The following MICAL2 variants were observed in gnomAD, a reference collection of about 807,000 sequenced individuals.
MICAL2 encodes microtubule associated monooxygenase, calponin and LIM domain containing 2, also known as [F-actin]-monooxygenase MICAL2.
Under a neutral mutation model 127.3 loss-of-function variants are expected in MICAL2, and 77 were observed. The ratio of observed to expected loss-of-function variants is 0.60; its 90% CI spans 0.50 to 0.73. The LOEUF (loss-of-function observed/expected upper bound fraction) is 0.73. MICAL2 is among the 30% of genes least tolerant of loss of function. The pLI is 0.00. For missense variants in MICAL2, 1,351 were observed against 1,434.4 expected (o/e 0.94, Z 0.94); for synonymous variants, 570 against 551.1 (o/e 1.03, Z -0.48).
At chr11:12,135,423 C>A (rs1417371092) in intron 1 of MICAL2, among the ~76,000 whole-genome samples, 1 of 152,036 alleles carries the variant, frequency 6.6e-6, no homozygotes, top group Non-Finnish European at 1.5e-5. Flanking sequence ...TGAACCCAAG[C>A]AGAGGGCTCC....
chr11:12,293,564 A>T (rs1178077591), downstream of MICAL2: 6 of 1,600,164 alleles, frequency 3.7e-6, no homozygotes, highest in Non-Finnish European at 4.3e-6. Flanking sequence ...CATCTAGATG[A>T]CAGCTTCTGA....
chr11:12,215,380 GA>G (rs1856011192), intron 7 of MICAL2, among the ~76,000 whole-genome samples: 1 of 152,214 alleles, frequency 6.6e-6, no homozygotes, highest in Non-Finnish European at 1.5e-5. Context: ...TGTAAATGCT[GA>G]TATGTCGCCA....
In MICAL2 at chr11:12,221,730, C is replaced by A. The variant is rs199909663; in HGVS notation, c.1293C>A (p.Gly431=). Residue 431 remains glycine (G), a synonymous_variant, in exon 10 of 28, where the codon GGC becomes GGA. Transcript: ENST00000683283. The part of the protein sequence containing the change: ...TAWMVKSWNQ[G]TPPLELLAER... ...GGATGGTGAAGAGCTGGAACCAGGG[C>A]ACCCCTCCCCTGGAGCTGCTGGCTG... 42 of 1,613,572 alleles carry A rather than the reference C, an allele frequency of 2.6e-5. No homozygotes were observed. The East Asian group carries it at 9.4e-4, about 36-fold the overall frequency.
intron 14 of MICAL2, 90 bp from the exon 15 acceptor site, chr11:12,226,935 G>A (rs1204062923): frequency 1.3e-5 from 13 of 1,000,968 alleles, no homozygotes; most frequent in African/African-American, 1.7e-5. Context: ...TTACAGGCGT[G>A]AGCCACCACA....
chr11:12,260,582 T>A, intron 26 of MICAL2: 1 of 993,094 alleles, frequency 1.0e-6, no homozygotes, highest in African/African-American at 1.7e-5. Context: ...GATTTAAGAT[T>A]TTACACGCAT....
intron 1 of MICAL2, among the ~76,000 whole-genome samples, chr11:12,114,005 T>C (rs1389117302): frequency 6.6e-6 from 1 of 152,244 alleles, no homozygotes; most frequent in Non-Finnish European, 1.5e-5. Context: ...TCCTTAGCTT[T>C]TATGCGAGCT....
At chr11:12,334,558 G>A (rs1401839042) in intron 32 of MICAL2, among the ~76,000 whole-genome samples, 3 of 150,302 alleles carry the variant, frequency 2.0e-5, no homozygotes, top group African/African-American at 2.5e-5. Context: ...CCATTAACTC[G>A]TCAATTAGCA....
At chr11:12,144,426 G>C (rs1433654434) in intron 2 of MICAL2, among the ~76,000 whole-genome samples, 1 of 152,138 alleles carries the variant, frequency 6.6e-6, no homozygotes, top group African/African-American at 2.4e-5. Flanking sequence ...GTTTGGGGCT[G>C]GTGAGGGACA....
chr11:12,360,108 CTTTTT>C (rs749473057), downstream of MICAL2, among the ~76,000 whole-genome samples: 4 of 143,162 alleles, frequency 2.8e-5, no homozygotes, highest in Middle Eastern at 3.2e-3. Flanking sequence ...TCCTTCCTTC[CTTTTT>C]TTTTTTAAAA....
At chr11:12,337,310 C>A (rs1357614701) in intron 32 of MICAL2, among the ~76,000 whole-genome samples, 2 of 152,150 alleles carry the variant, frequency 1.3e-5, no homozygotes, top group East Asian at 3.8e-4. Context: ...TCCCCTTTGT[C>A]ATTTTTTATT....
At chr11:12,212,539 C>T (rs1016009406) in intron 6 of MICAL2, among the ~76,000 whole-genome samples, 22 of 151,866 alleles carry the variant, frequency 1.4e-4, no homozygotes, top group African/African-American at 5.4e-4. Flanking sequence ...TTCATTTATA[C>T]ATGCATTGTA....
chr11:12,263,028 A>C (rs1863341522), intron 27 of MICAL2: 1 of 156,704 alleles, frequency 6.4e-6, no homozygotes, highest in Non-Finnish European at 1.4e-5. Context: ...GGAGGGATTT[A>C]AAAAACTTAA....
intron 15 of MICAL2, among the ~76,000 whole-genome samples, chr11:12,229,687 G>T (rs1027999775): frequency 1.3e-5 from 2 of 152,244 alleles, no homozygotes; most frequent in African/African-American, 4.8e-5. Flanking sequence ...GCTGGGGATG[G>T]TTAAAAGTCA....
chr11:12,255,961 T>C lies in MICAL2; in HGVS notation c.2955+211T>C, dbSNP rs77212417. On this transcript the variant is annotated intron_variant, in intron 23 of 27. Coordinates refer to ENST00000683283, the MANE Select transcript of MICAL2 (RefSeq NM_001282663.2). ...ATCTCACTCAGGTCCCCTGTGGTCT[T>C]TTTGAAAATAGAGATCTTCCTGCTC... 2.8e-3 allele frequency: 1,449 copies of C among 509,858 alleles called. 21 individuals are homozygous for C. The highest frequency in any genetic ancestry group is 0.025 in the African/African-American group (1,306 of 52,818). 31.6% of individuals were successfully genotyped at this position (509,858 alleles called of 1,614,324 possible). A position where few individuals can be genotyped will look rare whatever the true frequency, so the allele number is the denominator to read the frequency against.
intron 2 of MICAL2, among the ~76,000 whole-genome samples, chr11:12,148,270 A>G (rs1853170486): frequency 6.6e-6 from 1 of 152,086 alleles, no homozygotes; most frequent in Non-Finnish European, 1.5e-5. Context: ...GCTTCAGAGG[A>G]TGAGCGAGGT....
At chr11:12,160,432 G>T (rs1449913691) in intron 2 of MICAL2, among the ~76,000 whole-genome samples, 1 of 152,032 alleles carries the variant, frequency 6.6e-6, no homozygotes, top group Non-Finnish European at 1.5e-5. Flanking sequence ...CCACTGGAGA[G>T]GCCAGTCCCC....
chr11:12,276,513 G>A (rs532971823), intron 1 of MICAL2: 3 of 171,154 alleles, frequency 1.8e-5, no homozygotes, highest in Admixed American at 1.3e-4. Flanking sequence ...CACCTGTCCC[G>A]AGGGCCGCCC....
chr11:12,339,269 C>T (rs1008254031), intron 32 of MICAL2, among the ~76,000 whole-genome samples: 15 of 152,312 alleles, frequency 9.8e-5, no homozygotes, highest in Admixed American at 3.3e-4. Flanking sequence ...GCATTTGTCA[C>T]GTAGTTCTCG....
intron 2 of MICAL2, among the ~76,000 whole-genome samples, chr11:12,145,953 G>A (rs1286236245): frequency 2.6e-5 from 4 of 152,124 alleles, no homozygotes; most frequent in Non-Finnish European, 5.9e-5. Context: ...TTGTATATCA[G>A]GAAATTAATC....
Sources: gnomAD v4.1 joint callset for allele counts (sites outside exome capture counted in the v4.1 genomes callset) on GRCh38, gnomAD v4.1.1 for gene constraint, MANE v1.5 for transcripts, NCBI Gene and HGNC (gene_info 2026-07-23, HGNC 2026-07-21) for gene names.